Variants in NHS observed in about 807,000 individuals in gnomAD.
NHS encodes the protein actin remodeling regulator NHS.
A neutral mutation model predicts 72.5 loss-of-function variants in NHS; 5 were observed. The ratio of observed to expected loss-of-function variants is 0.07; its 90% CI spans 0.04 to 0.14. NHS has a LOEUF of 0.14. Ranked by LOEUF, NHS falls within the 10% of genes least tolerant of loss-of-function variation. NHS has a pLI of 1.00. For synonymous variants in NHS, 464 were observed against 547.7 expected (o/e 0.85, Z 2.13); for missense variants, 1,072 against 1,355.7 (o/e 0.79, Z 3.29).
chrX:17,606,573 C>A (rs1601797622), intron 1 of NHS, among the ~76,000 whole-genome samples: 1 of 111,592 alleles, frequency 9.0e-6, no homozygotes, highest in East Asian at 2.8e-4. Flanking sequence ...TGTGTTTGAT[C>A]AAAAACGACC....
intron 1 of NHS, among the ~76,000 whole-genome samples, chrX:17,481,555 T>C (rs2064946212): frequency 9.0e-6 from 1 of 111,685 alleles, no homozygotes; most frequent in African/African-American, 3.3e-5. Flanking sequence ...TTTTGTCTTG[T>C]GTGTGTGTGT....
At chrX:17,416,143 C>T (rs1161937459) in intron 1 of NHS, among the ~76,000 whole-genome samples, 2 of 111,142 alleles carry the variant, frequency 1.8e-5, no homozygotes, top group African/African-American at 6.5e-5. Context: ...GAAGTCGTTG[C>T]TTTCAGTCTC....
intron 1 of NHS, among the ~76,000 whole-genome samples, chrX:17,673,709 C>A (rs1231843762): frequency 2.7e-5 from 3 of 111,740 alleles, no homozygotes; most frequent in Non-Finnish European, 5.6e-5. Flanking sequence ...ACTCCTGGGA[C>A]CTATATCAAC....
chrX:17,580,194 GA>G (rs1398507389), intron 1 of NHS, among the ~76,000 whole-genome samples: 1 of 107,789 alleles, frequency 9.3e-6, no homozygotes, highest in Non-Finnish European at 1.9e-5. Flanking sequence ...AAAAAAAAAA[GA>G]AGGGAAAAGA....
rs757120576 is a variant in NHS at position 17,727,438 on chromosome X, T to G, written c.3332T>G (p.Phe1111Cys). The G allele has an allele frequency of 1.7e-6, 2 of 1,211,800 alleles. No individual in the cohort carries two copies. The highest frequency in any genetic ancestry group is 2.2e-6 in the Non-Finnish European group (2 of 895,482). The change falls in exon 7 of 9, where the codon TTT becomes TGT. Residue 1111 changes from phenylalanine to cysteine, a missense_variant. Transcript: ENST00000676302. ...CACCACCGTCATCCACTGCATGTTT[T>G]TACTCATAATAAGCAGAACACAGTA... The part of the protein sequence containing the change: ...PFHHRHPLHV[F>C]THNKQNTVGE...
At chrX:17,386,836 T>C (rs893191400) in intron 1 of NHS, among the ~76,000 whole-genome samples, 1 of 111,417 alleles carries the variant, frequency 9.0e-6, no homozygotes, top group African/African-American at 3.3e-5. Context: ...ATGTGTGCAG[T>C]TGGTGTTTTG....
chrX:17,375,617 G>T lies in NHS; in HGVS notation c.-141G>T, dbSNP rs894710402. 35 of 580,431 alleles carry T rather than the reference G, an allele frequency of 6.0e-5. No homozygotes were observed. In the East Asian group the frequency reaches 1.2e-3, roughly 21 times the overall value. 47.8% of individuals were successfully genotyped at this position (580,431 alleles called of 1,213,427 possible). A position where few individuals can be genotyped will look rare whatever the true frequency, so the allele number is the denominator to read the frequency against. On this transcript the variant is annotated 5_prime_UTR_variant, in exon 1 of 9. Coordinates refer to ENST00000676302, the MANE Select transcript of NHS (RefSeq NM_001291867.2). ...CGGGGAAGAGGAGGCAAGGTGAGCA[G>T]AGAAGCCCCCTGCGTATCCGGACTG... is the stretch of plus-strand genomic sequence containing the variant.
At chrX:17,562,201 AGAG>A (rs1360435972) in intron 1 of NHS, among the ~76,000 whole-genome samples, 2 of 111,394 alleles carry the variant, frequency 1.8e-5, no homozygotes, top group Non-Finnish European at 3.8e-5. Flanking sequence ...TGGTAGGAAG[AGAG>A]GAGAAGGGGG....
chrX:17,463,084 C>T (rs2064855174), intron 1 of NHS, among the ~76,000 whole-genome samples: 1 of 112,303 alleles, frequency 8.9e-6, no homozygotes, highest in Non-Finnish European at 1.9e-5. Flanking sequence ...ATGTGGCACC[C>T]ATGCAATGCT....
chrX:17,712,253 G>GTA (rs1216194040), intron 3 of NHS, among the ~76,000 whole-genome samples: 3,236 of 49,953 alleles, frequency 0.065, 116 homozygotes, highest in Non-Finnish European at 0.079. Context: ...TTGTGTGTGT[G>GTA]TATATATATA....
chrX:17,484,296 A>G (rs1399645905), intron 1 of NHS, among the ~76,000 whole-genome samples: 3 of 112,558 alleles, frequency 2.7e-5, no homozygotes, highest in African/African-American at 6.5e-5. Flanking sequence ...TTGCCTTGGT[A>G]ACATAAAGTC....
intron 3 of NHS, among the ~76,000 whole-genome samples, chrX:17,703,023 C>G (rs2066275060): frequency 9.0e-6 from 1 of 110,712 alleles, no homozygotes; most frequent in Admixed American, 9.6e-5. Flanking sequence ...AATCCCAACA[C>G]TTTGAGAGGC....
intron 1 of NHS, among the ~76,000 whole-genome samples, chrX:17,519,882 T>C (rs1348374297): frequency 9.0e-6 from 1 of 111,033 alleles, no homozygotes; most frequent in Non-Finnish European, 1.9e-5. Context: ...CTTCAGTCTT[T>C]TAATTCTGAT....
intron 1 of NHS, among the ~76,000 whole-genome samples, chrX:17,683,813 G>C (rs2066143389): frequency 8.9e-6 from 1 of 111,945 alleles, no homozygotes; most frequent in Non-Finnish European, 1.9e-5. Context: ...TTGGGGAGCA[G>C]TAACAGAGGG....
intron 3 of NHS, among the ~76,000 whole-genome samples, chrX:17,696,246 A>T (rs2066229425): frequency 8.9e-6 from 1 of 111,993 alleles, no homozygotes; most frequent in African/African-American, 3.2e-5. Flanking sequence ...ATTGCCTGGG[A>T]TCAACTTCTG....
intron 2 of NHS, among the ~76,000 whole-genome samples, chrX:17,690,116 A>G (rs747504559): frequency 1.8e-5 from 2 of 112,099 alleles, no homozygotes; most frequent in East Asian, 5.6e-4. Context: ...GCTCAATAGC[A>G]TATCTTGGGT....
At chrX:17,657,755 A>T (rs762286698) in intron 1 of NHS, among the ~76,000 whole-genome samples, 1 of 112,644 alleles carries the variant, frequency 8.9e-6, no homozygotes, top group South Asian at 3.7e-4. Flanking sequence ...CTGGCTTTAC[A>T]TCCCCTGGTT....
In NHS at chrX:17,375,359, CCACA is replaced by C. The variant is rs1183671519; in HGVS notation, c.-390_-387del. On this transcript the variant is annotated 5_prime_UTR_variant, in exon 1 of 9. Transcript: ENST00000676302. ...CACTCACACCCACCCACCCACTCAC[CCACA>C]CACACACAGACACACGCACGCCCAT... 5 of 338,472 alleles carry C rather than the reference CCACA, an allele frequency of 1.5e-5. No individual in the cohort carries two copies. Among genetic ancestry groups the C allele is most frequent in the Non-Finnish European group, 2.5e-5 (5 of 198,053 alleles). The allele number at this position is 338,472 out of a possible 1,213,427, so 27.9% of individuals were successfully genotyped here.
intron 1 of NHS, among the ~76,000 whole-genome samples, chrX:17,681,714 C>A (rs4825243): frequency 0.25 from 27,939 of 111,586 alleles, 6,370 homozygotes; most frequent in African/African-American, 0.72. Flanking sequence ...TTAAAACAAC[C>A]ATGGTAACAG....
Sources: gnomAD v4.1 joint callset for allele counts (sites outside exome capture counted in the v4.1 genomes callset) on GRCh38, gnomAD v4.1.1 for gene constraint, MANE v1.5 for transcripts, NCBI Gene and HGNC (gene_info 2026-07-23, HGNC 2026-07-21) for gene names.